Variants in NACC2 observed in about 807,000 individuals in gnomAD.
The protein encoded by NACC2 is nucleus accumbens-associated protein 2.
In NACC2, 8 loss-of-function variants were observed where a neutral mutation model predicts 25.1. The ratio of observed to expected loss-of-function variants is 0.32; its 90% CI spans 0.19 to 0.57. NACC2 has a LOEUF of 0.57. Among genes scored for constraint, NACC2 ranks in the 20% least tolerant of loss-of-function variants. The pLI is 0.89. For missense variants in NACC2, 644 were observed against 650.2 expected (o/e 0.99, Z 0.10); for synonymous variants, 435 against 294.7 (o/e 1.48, Z -4.88).
chr9:136,049,601 G>A (rs1840784077), intron 2 of NACC2, 35 bp downstream of exon 2: 1 of 756,164 alleles, frequency 1.3e-6, no homozygotes, highest in Admixed American at 1.7e-5. Flanking sequence ...CCGCTTCCCA[G>A]CCAGGTGGTG....
rs139277052 is a variant in NACC2 at position 136,074,028 on chromosome 9, G to A, written c.-60+21161C>T. ...TTTTAAAAAAATTAAGATCTTGGCC[G>A]GGCACAGTGGCTCATGCCTGGAATC... On this transcript the variant is annotated intron_variant, in intron 1 of 5. Transcript: ENST00000277554. 5.9e-5 allele frequency among the ~76,000 whole-genome samples: 9 copies of A among 152,208 alleles called. No individual in the cohort carries two copies. The East Asian group carries it at 1.2e-3, about 20-fold the overall frequency.
chr9:136,042,864 AGAGACAAACAGACACACAC>A (rs1840662272), intron 2 of NACC2, among the ~76,000 whole-genome samples: 1 of 147,964 alleles, frequency 6.8e-6, no homozygotes, highest in Non-Finnish European at 1.5e-5. Context: ...ACAGAGACAC[AGAGACAAACAGACACACAC>A]ACAGACACAT....
chr9:136,052,381 T>TGCAGAGCTG (rs1423178637), intron 1 of NACC2, among the ~76,000 whole-genome samples: 2 of 146,308 alleles, frequency 1.4e-5, no homozygotes, highest in Non-Finnish European at 1.5e-5. Flanking sequence ...CCAAACAGTC[T>TGCAGAGCTG]GCAGAGCTGG....
At position 136,019,732 on chromosome 9, in the gene NACC2, G is replaced by A. The variant is rs1840260597; in HGVS notation, c.887-3303C>T. Reference sequence around the variant, plus strand: ...GCCTCCCTGGACCACACGGGGCGAAGCAAACACAAGGACAAATGCTGCCCG... The same window carrying A: ...GCCTCCCTGGACCACACGGGGCGAAACAAACACAAGGACAAATGCTGCCCG... On this transcript the variant is annotated intron_variant, in intron 2 of 5. Transcript: ENST00000277554. The surrounding 1 kb of genome is among the most constrained non-coding windows in gnomAD (Gnocchi z 5.2). 6.6e-6 allele frequency among the ~76,000 whole-genome samples: 1 copy of A among 152,118 alleles called. No individual in the cohort carries two copies. Among genetic ancestry groups the A allele is most frequent in the Non-Finnish European group, 1.5e-5 (1 of 68,018 alleles).
chr9:136,049,834 C>A lies in NACC2; in HGVS notation c.688G>T (p.Ala230Ser). 1 of 714,462 alleles carries A rather than the reference C, an allele frequency of 1.4e-6. No individual in the cohort carries two copies. Among genetic ancestry groups the A allele is most frequent in the Non-Finnish European group, 2.6e-6 (1 of 383,470 alleles). 44.3% of individuals were successfully genotyped at this position (714,462 alleles called of 1,614,324 possible). Residue 230 changes from alanine (A) to serine (S), a missense_variant, in exon 2 of 6, where the codon GCC (alanine) becomes TCC (serine). Ala to Ser is a moderately conservative substitution (Grantham distance 99, BLOSUM62 1). Transcript: ENST00000277554. ...RVSYYGVPSL[A>S]TLIPGIQQMP... ...TGCTGGATGCCGGGGATGAGGGTGG[C>A]CAGGCTGGGCACCCCGTAGTAGGAG... is the stretch of plus-strand genomic sequence containing the variant.
At chr9:136,037,497 T>C (rs938687593) in intron 2 of NACC2, among the ~76,000 whole-genome samples, 4 of 147,392 alleles carry the variant, frequency 2.7e-5, no homozygotes, top group Non-Finnish European at 6.0e-5. Context: ...TGATTTTGTA[T>C]GCACTTAAAT....
chr9:136,085,582 G>A (rs1830370999), intron 1 of NACC2, among the ~76,000 whole-genome samples: 1 of 152,184 alleles, frequency 6.6e-6, no homozygotes, highest in Admixed American at 6.5e-5. Flanking sequence ...GGATCTGCTG[G>A]TGTAAGGCCA....
chr9:136,088,966 C>T (rs1830407079), intron 1 of NACC2, among the ~76,000 whole-genome samples: 1 of 152,264 alleles, frequency 6.6e-6, no homozygotes, highest in South Asian at 2.1e-4. Flanking sequence ...ATGATCTCGG[C>T]ATCGCGTGGA....
Position 136,020,165 on chromosome 9 carries a change from A to G in NACC2, c.887-3736T>C, listed in dbSNP as rs1840269571. ...CAACGGCCCCTCTCACGTCCACTTT[A>G]CCACAATAACAACGCTCAGAAAGAA... On this transcript the variant is annotated intron_variant, in intron 2 of 5. Transcript: ENST00000277554. This position sits in a 1 kb window ranked among gnomAD's most constrained non-coding sequence, Gnocchi z 4.7. Among the ~76,000 whole-genome samples the G allele has an allele frequency of 6.6e-6, 1 of 152,156 alleles. No homozygotes were observed. Among genetic ancestry groups the G allele is most frequent in the African/African-American group, 2.4e-5 (1 of 41,436 alleles).
intron 2 of NACC2, among the ~76,000 whole-genome samples, chr9:136,028,953 G>A (rs184148199): frequency 9.8e-5 from 15 of 152,316 alleles, no homozygotes; most frequent in East Asian, 7.7e-4. Flanking sequence ...GGGCACCGTC[G>A]AGCACAAGAG....
chr9:136,034,668 A>G (rs908309940), intron 2 of NACC2, among the ~76,000 whole-genome samples: 229 of 152,304 alleles, frequency 1.5e-3, no homozygotes, highest in African/African-American at 5.1e-3. Context: ...AAAAAAAAAA[A>G]AAGTCTACAC....
In NACC2 at chr9:136,084,630, G is replaced by A. The variant is rs1031708645; in HGVS notation, c.-60+10559C>T. On this transcript the variant is annotated intron_variant, in intron 1 of 5. Coordinates refer to ENST00000277554, the MANE Select transcript of NACC2 (RefSeq NM_144653.5). This position sits in a 1 kb window ranked among gnomAD's most constrained non-coding sequence, Gnocchi z 5.1. ...GAGACACAGCAAGACTCAAACAGAC[G>A]CGCACGCCACGTCCATAGCGGCAGC... Among the ~76,000 whole-genome samples, 3 of 152,212 alleles carry A rather than the reference G, an allele frequency of 2.0e-5. No homozygotes were observed. The highest frequency in any genetic ancestry group is 4.4e-5 in the Non-Finnish European group (3 of 68,046).
Position 136,049,808 on chromosome 9 carries a change from C to A in NACC2, c.714G>T (p.Gln238His). The A allele has an allele frequency of 1.3e-6, 1 of 749,202 alleles. No individual in the cohort carries two copies. The highest frequency in any genetic ancestry group is 1.4e-5 in the South Asian group (1 of 71,970). 46.4% of individuals were successfully genotyped at this position (749,202 alleles called of 1,614,324 possible). The change falls in exon 2 of 6, where the codon CAG (glutamine) becomes CAT (histidine). Residue 238 changes from glutamine to histidine, a missense_variant. By Grantham distance (24) the Gln-to-His change is conservative (BLOSUM62 0). Coordinates refer to ENST00000277554, the MANE Select transcript of NACC2 (RefSeq NM_144653.5). ...TCCGCTCCCCCTGGGGGTAGGGCAT[C>A]TGCTGGATGCCGGGGATGAGGGTGG... Reference protein sequence around the residue: ...SLATLIPGIQQMPYPQGERTS... With the variant: ...SLATLIPGIQHMPYPQGERTS...
At chr9:136,068,499 C>A (rs376481808) in intron 1 of NACC2, among the ~76,000 whole-genome samples, 914 of 99,494 alleles carry the variant, frequency 9.2e-3, no homozygotes, top group Admixed American at 0.013. Context: ...AACTCCGTCT[C>A]AAAAAAAAAA....
At chr9:136,016,757 T>C (rs932178831) in intron 2 of NACC2, among the ~76,000 whole-genome samples, 2 of 152,168 alleles carry the variant, frequency 1.3e-5, no homozygotes, top group African/African-American at 2.4e-5. Context: ...AGGAGGGTGC[T>C]ATGCAGAGCC....
intron 1 of NACC2, among the ~76,000 whole-genome samples, chr9:136,094,039 C>T (rs890119341): frequency 6.6e-6 from 1 of 152,240 alleles, no homozygotes; most frequent in Non-Finnish European, 1.5e-5. Flanking sequence ...GCCGCGCTGG[C>T]GGGCGGGAAC....
intron 5 of NACC2, among the ~76,000 whole-genome samples, chr9:136,012,352 C>CAGAG (rs1437109572): frequency 1.7e-4 from 26 of 152,248 alleles, no homozygotes; most frequent in Non-Finnish European, 1.5e-5. Context: ...GGGAACTGGT[C>CAGAG]AGAGGGTCCC....
intron 1 of NACC2, among the ~76,000 whole-genome samples, chr9:136,051,585 G>A (rs1445604594): frequency 3.3e-5 from 5 of 149,598 alleles, no homozygotes; most frequent in African/African-American, 1.2e-4. Context: ...TGTCCCACGG[G>A]AGGAAAGTGC....
intron 1 of NACC2, among the ~76,000 whole-genome samples, chr9:136,066,316 A>G (rs1006001237): frequency 6.6e-6 from 1 of 152,250 alleles, no homozygotes; most frequent in Non-Finnish European, 1.5e-5. Flanking sequence ...AAAAAGACAA[A>G]TAACTCAATT....
Sources: gnomAD v4.1 joint callset for allele counts (sites outside exome capture counted in the v4.1 genomes callset) on GRCh38, gnomAD v4.1.1 for gene constraint, Gnocchi (gnomAD v3.1) non-coding constraint, MANE v1.5 for transcripts, NCBI Gene and HGNC (gene_info 2026-07-23, HGNC 2026-07-21) for gene names.